NKAIN3: variants seen among roughly 807,000 people sequenced by gnomAD.
NKAIN3 encodes the protein sodium/potassium-transporting ATPase subunit beta-1-interacting protein 3.
Under a neutral mutation model 30.2 loss-of-function variants are expected in NKAIN3, and 25 were observed. That is an observed-to-expected ratio of 0.83 (90% CI 0.60 to 1.16). NKAIN3 has a LOEUF of 1.16. Ranked by LOEUF, NKAIN3 falls within the 50% of genes most tolerant of loss-of-function variation. The pLI is 0.00. For synonymous variants in NKAIN3, 91 were observed against 89.6 expected (o/e 1.02, Z -0.09); for missense variants, 225 against 254.1 (o/e 0.89, Z 0.78).
chr8:62,870,644 T>TATCTATATATAGATATATAG lies in NKAIN3; in HGVS notation c.472-47807_472-47806insCTATATATAGATATATAGAT, dbSNP rs1414291212. On this transcript the variant is annotated intron_variant, in intron 4 of 6. Coordinates refer to ENST00000623646, the MANE Select transcript of NKAIN3 (RefSeq NM_001304533.3). ...TACAAAATAAACTCTATTTTATATA[T>TATCTATATATAGATATATAG]ATATCTATATCTAGATATATATAGA... is the stretch of plus-strand genomic sequence containing the variant. Among the ~76,000 whole-genome samples, 158 of 139,416 alleles carry TATCTATATATAGATATATAG rather than the reference T, an allele frequency of 1.1e-3. 1 individual carries two copies. Among genetic ancestry groups the TATCTATATATAGATATATAG allele is most frequent in the African/African-American group, 2.1e-3 (77 of 36,008 alleles). The allele number at this position is 139,416 out of a possible 152,430, so 91.5% of individuals were successfully genotyped here.
chr8:62,283,780 C>G (rs1401519985), intron 1 of NKAIN3, among the ~76,000 whole-genome samples: 1 of 151,970 alleles, frequency 6.6e-6, no homozygotes, highest in Non-Finnish European at 1.5e-5. Context: ...CTATAATGGT[C>G]CCAAAAGCCA....
intron 1 of NKAIN3, among the ~76,000 whole-genome samples, chr8:62,437,216 T>C (rs1433373828): frequency 6.6e-6 from 1 of 152,170 alleles, no homozygotes; most frequent in African/African-American, 2.4e-5. Flanking sequence ...TAGTGATCTA[T>C]AATATCTCAA....
At chr8:62,682,487 G>A (rs1563514414) in intron 3 of NKAIN3, among the ~76,000 whole-genome samples, 2 of 152,180 alleles carry the variant, frequency 1.3e-5, no homozygotes, top group African/African-American at 4.8e-5. Context: ...CAGAACGTGG[G>A]GGAGGGGTTG....
intron 4 of NKAIN3, among the ~76,000 whole-genome samples, chr8:62,753,703 T>C (rs1489161044): frequency 6.6e-6 from 1 of 152,150 alleles, no homozygotes; most frequent in Non-Finnish European, 1.5e-5. Context: ...GTAGAAGCAG[T>C]CTTTGTCTCA....
intron 1 of NKAIN3, among the ~76,000 whole-genome samples, chr8:62,251,848 A>G (rs548877891): frequency 6.6e-6 from 1 of 152,336 alleles, no homozygotes; most frequent in South Asian, 2.1e-4. Flanking sequence ...CGTCATATAC[A>G]TAAGATAGGC....
chr8:62,502,116 G>A (rs573537560), intron 1 of NKAIN3, among the ~76,000 whole-genome samples: 4 of 152,116 alleles, frequency 2.6e-5, no homozygotes, highest in Admixed American at 6.5e-5. Flanking sequence ...TATATAATTT[G>A]CCAAGACAAT....
chr8:62,471,668 C>A (rs1345775665), intron 1 of NKAIN3, among the ~76,000 whole-genome samples: 1 of 152,132 alleles, frequency 6.6e-6, no homozygotes, highest in Non-Finnish European at 1.5e-5. Context: ...CTTCAGCTCA[C>A]TGGGGGCTGG....
At chr8:62,326,741 A>T (rs1229752462) in intron 1 of NKAIN3, among the ~76,000 whole-genome samples, 2 of 151,972 alleles carry the variant, frequency 1.3e-5, no homozygotes, top group East Asian at 3.9e-4. Flanking sequence ...GGCTATTGTG[A>T]ATAACGCTGC....
intron 1 of NKAIN3, among the ~76,000 whole-genome samples, chr8:62,383,278 C>A (rs1487283168): frequency 6.6e-6 from 1 of 152,022 alleles, no homozygotes. Context: ...TTTGTATGAC[C>A]AAAAGACTGG....
At chr8:62,634,713 G>T (rs1234768855) in intron 3 of NKAIN3, among the ~76,000 whole-genome samples, 1 of 152,166 alleles carries the variant, frequency 6.6e-6, no homozygotes, top group Non-Finnish European at 1.5e-5. Context: ...AGTCATGCTT[G>T]CATGGACTTG....
At position 62,454,301 on chromosome 8, in the gene NKAIN3, C is replaced by CAAAAAAAAAAAA. The variant is rs201511724; in HGVS notation, c.55-125227_55-125216dup. On this transcript the variant is annotated intron_variant, in intron 1 of 6. Transcript: ENST00000623646. ...ACCAACACTAACAATAGCTGATGTG[C>CAAAAAAAAAAAA]AAAAAAAAAAAAAAAAAAAAAATCT... Among the ~76,000 whole-genome samples, 226 of 56,148 alleles carry CAAAAAAAAAAAA rather than the reference C, an allele frequency of 4.0e-3. 13 individuals are homozygous for CAAAAAAAAAAAA. The highest frequency in any genetic ancestry group is 0.012 in the African/African-American group (213 of 17,798). 36.8% of individuals were successfully genotyped at this position (56,148 alleles called of 152,430 possible).
chr8:62,761,938 T>TC (rs938620066), intron 4 of NKAIN3, among the ~76,000 whole-genome samples: 1 of 152,030 alleles, frequency 6.6e-6, no homozygotes, highest in Non-Finnish European at 1.5e-5. Context: ...AGATATCTAC[T>TC]CCCCCCAAAA....
intron 1 of NKAIN3, among the ~76,000 whole-genome samples, chr8:62,484,300 C>A (rs1246409709): frequency 6.6e-6 from 1 of 152,242 alleles, no homozygotes; most frequent in African/African-American, 2.4e-5. Context: ...CGCCCCCAGG[C>A]ATCTTCCTAC....
intron 3 of NKAIN3, among the ~76,000 whole-genome samples, chr8:62,694,065 A>G (rs910470701): frequency 6.6e-6 from 1 of 152,164 alleles, no homozygotes; most frequent in African/African-American, 2.4e-5. Flanking sequence ...TACTTCACAT[A>G]TTTGCTTTTC....
intron 1 of NKAIN3, among the ~76,000 whole-genome samples, chr8:62,528,312 T>TATA (rs1808374980): frequency 4.2e-5 from 4 of 95,298 alleles, no homozygotes; most frequent in Non-Finnish European, 2.0e-5. Context: ...ATATTATATA[T>TATA]ATATATTATA....
At chr8:62,473,458 G>C (rs925847421) in intron 1 of NKAIN3, 1 of 152,066 alleles carries the variant, frequency 6.6e-6, no homozygotes, top group Admixed American at 6.5e-5. Flanking sequence ...AAGGAAAATG[G>C]GGCCTTATTG....
rs13328410 is a variant in NKAIN3, at chr8:62,867,128, G to A, written c.472-51325G>A. Reference sequence around the variant, plus strand: ...AAAAAAAAAAAAAGAAAAGGGTAAAGAGAGTAACCATAGGGTCTCTATTTT... The same window carrying A: ...AAAAAAAAAAAAAGAAAAGGGTAAAAAGAGTAACCATAGGGTCTCTATTTT... On this transcript the variant is annotated intron_variant, in intron 4 of 6. Transcript: ENST00000623646. 9.8e-3 allele frequency among the ~76,000 whole-genome samples: 1,442 copies of A among 147,726 alleles called. 27 individuals carry two copies. Among genetic ancestry groups the A allele is most frequent in the African/African-American group, 0.034 (1,391 of 40,404 alleles).
intron 4 of NKAIN3, among the ~76,000 whole-genome samples, chr8:62,780,165 A>G (rs1161330149): frequency 2.0e-5 from 3 of 152,150 alleles, no homozygotes; most frequent in Non-Finnish European, 4.4e-5. Context: ...ATGAACCATT[A>G]TAAGCTAACA....
At chr8:62,798,549 G>A (rs905233612) in intron 4 of NKAIN3, among the ~76,000 whole-genome samples, 4 of 151,376 alleles carry the variant, frequency 2.6e-5, no homozygotes, top group African/African-American at 9.7e-5. Flanking sequence ...TCCAGCCTGG[G>A]TGACAGAGTG....
Sources: gnomAD v4.1 joint callset for allele counts (sites outside exome capture counted in the v4.1 genomes callset) on GRCh38, gnomAD v4.1.1 for gene constraint, MANE v1.5 for transcripts, NCBI Gene and HGNC (gene_info 2026-07-23, HGNC 2026-07-21) for gene names.